Variants in FGD5 observed in about 807,000 individuals in gnomAD.
FGD5 encodes FYVE, RhoGEF and PH domain-containing protein 5.
In FGD5, 28 loss-of-function variants were observed where a neutral mutation model predicts 133.4. That is an observed-to-expected ratio of 0.21 (90% CI 0.16 to 0.29). The LOEUF (loss-of-function observed/expected upper bound fraction) is 0.29, where lower values mean the gene tolerates loss of function less well. FGD5 is among the 10% of genes least tolerant of loss of function. FGD5 has a pLI of 1.00. For synonymous variants in FGD5, 810 were observed against 776.5 expected (o/e 1.04, Z -0.72); for missense variants, 1,858 against 1,895.2 (o/e 0.98, Z 0.36).
At chr3:14,897,917 C>G (rs971190297) in intron 5 of FGD5, 22 bp from the exon 6 acceptor site, 7 of 1,613,650 alleles carry the variant, frequency 4.3e-6, no homozygotes, top group Non-Finnish European at 5.9e-6. Flanking sequence ...TCTCACTGTC[C>G]CATCCCCATT....
chr3:14,823,500 T>C (rs1391213301), intron 1 of FGD5, among the ~76,000 whole-genome samples: 1 of 152,188 alleles, frequency 6.6e-6, no homozygotes, highest in Non-Finnish European at 1.5e-5. Flanking sequence ...CCTTCAAAAA[T>C]TGAAATCTGC....
intron 1 of FGD5, among the ~76,000 whole-genome samples, chr3:14,828,974 A>G (rs923825106): frequency 6.6e-6 from 1 of 151,676 alleles, no homozygotes; most frequent in African/African-American, 2.4e-5. Context: ...TTGTATTTTT[A>G]GTAGGGATGG....
upstream of FGD5, among the ~76,000 whole-genome samples, chr3:14,818,212 T>C (rs1396338630): frequency 1.3e-5 from 2 of 152,202 alleles, no homozygotes; most frequent in Non-Finnish European, 2.9e-5. Context: ...TGTTGGCACG[T>C]ACTATATAAT....
At chr3:14,825,353 C>T (rs1035554145) in intron 1 of FGD5, among the ~76,000 whole-genome samples, 55 of 151,854 alleles carry the variant, frequency 3.6e-4, no homozygotes, top group African/African-American at 1.3e-3. Context: ...GCTTGTAATC[C>T]CAGTGCTTTG....
chr3:14,851,189 A>G (rs750659352), intron 1 of FGD5, among the ~76,000 whole-genome samples: 1 of 152,128 alleles, frequency 6.6e-6, no homozygotes, highest in Non-Finnish European at 1.5e-5. Context: ...GGACTCTAGT[A>G]ACATAAAACC....
chr3:14,903,992 T>C (rs956901848), intron 9 of FGD5, among the ~76,000 whole-genome samples: 3 of 152,152 alleles, frequency 2.0e-5, no homozygotes, highest in African/African-American at 7.2e-5. Context: ...ATGTCTGGTG[T>C]TTTTCTCATG....
At chr3:14,818,373 G>T (rs1173680786), upstream of FGD5, among the ~76,000 whole-genome samples, 1 of 152,176 alleles carries the variant, frequency 6.6e-6, no homozygotes, top group Non-Finnish European at 1.5e-5. Context: ...GGATGAAATG[G>T]CAGCTATTCA....
At chr3:14,925,454 G>A (rs746313634) in intron 17 of FGD5, among the ~76,000 whole-genome samples, 24 of 152,100 alleles carry the variant, frequency 1.6e-4, no homozygotes, top group Non-Finnish European at 2.9e-4. Context: ...TTGAGACTTA[G>A]AAGAAGTCAG....
intron 1 of FGD5, among the ~76,000 whole-genome samples, chr3:14,812,270 T>A (rs2125062697): frequency 6.6e-6 from 1 of 152,164 alleles, no homozygotes; most frequent in Non-Finnish European, 1.5e-5. Flanking sequence ...TGGAAGAGGC[T>A]GAAACAGAGG....
intron 4 of FGD5, among the ~76,000 whole-genome samples, chr3:14,886,494 C>T (rs190523201): frequency 6.6e-6 from 1 of 152,302 alleles, no homozygotes; most frequent in East Asian, 1.9e-4. Context: ...ACACACACCC[C>T]AGTGGCAGCA....
At chr3:14,932,828 C>T (rs931313932) in intron 19 of FGD5, 97 bp downstream of exon 19, 1 of 1,418,426 alleles carries the variant, frequency 7.1e-7, no homozygotes, top group African/African-American at 1.4e-5. Flanking sequence ...TCCATTCATC[C>T]TATCCCATTA....
chr3:14,880,797 A>G, intron 4 of FGD5, 25 bp downstream of exon 4: 1 of 1,611,824 alleles, frequency 6.2e-7, no homozygotes, highest in Non-Finnish European at 8.5e-7. Flanking sequence ...TTAATTGTCC[A>G]AAACTAATTG....
chr3:14,881,690 A>G (rs1448382190), intron 4 of FGD5, among the ~76,000 whole-genome samples: 1 of 152,148 alleles, frequency 6.6e-6, no homozygotes, highest in African/African-American at 2.4e-5. Context: ...ATCATTCACC[A>G]TCTCTAAGAA....
chr3:14,923,009 C>G, intron 15 of FGD5, 37 bp from the exon 16 acceptor site: 1 of 1,613,434 alleles, frequency 6.2e-7, no homozygotes, highest in East Asian at 2.2e-5. Flanking sequence ...TTTGCATGCA[C>G]TGAGAGGGGT....
chr3:14,821,331 C>A lies in FGD5; in HGVS notation c.2260C>A (p.Leu754Met). 1 of 1,613,990 alleles carries A rather than the reference C, an allele frequency of 6.2e-7. No individual in the cohort carries two copies. Among genetic ancestry groups the A allele is most frequent in the Middle Eastern group, 1.6e-4 (1 of 6,062 alleles). ...TGAAGACCGCTCCCGGCCGCCCTTC[C>A]TGCCCTTGCCACTGACCAAGCCACG... Reference protein sequence around the residue: ...SFEDRSRPPFLPLPLTKPRSI... With the variant: ...SFEDRSRPPFMPLPLTKPRSI... The change falls in exon 1 of 20, where the codon CTG becomes ATG. Residue 754 changes from leucine to methionine, a missense_variant. Around this residue, in one of 3 missense-constraint regions of FGD5, gnomAD observed 1,824 missense variants for 1,848.9 expected, o/e 0.99. Transcript: ENST00000285046.
chr3:14,847,169 T>C (rs1221782297), intron 1 of FGD5, among the ~76,000 whole-genome samples: 2 of 152,192 alleles, frequency 1.3e-5, no homozygotes, highest in African/African-American at 2.4e-5. Flanking sequence ...AGATGAGTTT[T>C]TGTGACAATT....
chr3:14,891,171 T>G (rs2125126899), intron 4 of FGD5, among the ~76,000 whole-genome samples: 1 of 152,286 alleles, frequency 6.6e-6, no homozygotes, highest in African/African-American at 2.4e-5. Context: ...GGCTGGGTCC[T>G]AAATATGGAG....
rs746912479 is a variant in FGD5 at position 14,820,179 on chromosome 3, A to G, written c.1108A>G (p.Lys370Glu). ...CTGTTCTCCTCTTTCTGAATCAGCGAAAGGTTTAGAATCAGAGCAGGCACC... is the reference window on the plus strand; with the variant it reads ...CTGTTCTCCTCTTTCTGAATCAGCGGAAGGTTTAGAATCAGAGCAGGCACC... ...ESCSPLSESAKGLESEQAPKL... is the reference protein window; with the variant it reads ...ESCSPLSESAEGLESEQAPKL... Residue 370 changes from lysine to glutamate, a missense_variant, in exon 1 of 20, where the codon AAA (lysine) becomes GAA (glutamate). By Grantham distance (56) the Lys-to-Glu change is moderately conservative (BLOSUM62 1). Around this residue, in one of 3 missense-constraint regions of FGD5, gnomAD observed 1,824 missense variants for 1,848.9 expected, o/e 0.99. Coordinates refer to ENST00000285046, the MANE Select transcript of FGD5 (RefSeq NM_152536.4). 1.9e-6 allele frequency: 3 copies of G among 1,613,836 alleles called. No homozygotes were observed. The East Asian group carries it at 6.7e-5, about 36-fold the overall frequency.
chr3:14,878,467 A>G (rs773216593), intron 2 of FGD5, among the ~76,000 whole-genome samples: 2 of 152,046 alleles, frequency 1.3e-5, no homozygotes, highest in Non-Finnish European at 2.9e-5. Flanking sequence ...TGTTCCTGGC[A>G]CCACCTCAGT....
Sources: gnomAD v4.1 joint callset for allele counts (sites outside exome capture counted in the v4.1 genomes callset) on GRCh38, gnomAD v4.1.1 for gene constraint, gnomAD v4.1.1 regional missense constraint, MANE v1.5 for transcripts, NCBI Gene and HGNC (gene_info 2026-07-23, HGNC 2026-07-21) for gene names.